RBFOX1: variants seen among roughly 807,000 people sequenced by gnomAD.
The protein encoded by RBFOX1 is RNA binding fox-1 homolog 1.
Under a neutral mutation model 57.7 loss-of-function variants are expected in RBFOX1, and 8 were observed. The ratio of observed to expected loss-of-function variants is 0.14; its 90% CI spans 0.08 to 0.25. The LOEUF is 0.25. Among genes scored for constraint, RBFOX1 ranks in the 10% least tolerant of loss-of-function variants. The pLI is 1.00. For synonymous variants in RBFOX1, 326 were observed against 222.4 expected (o/e 1.47, Z -4.15); for missense variants, 611 against 548.5 (o/e 1.11, Z -1.14).
chr16:5,473,330 C>T (rs1208060214), intron 2 of RBFOX1, among the ~76,000 whole-genome samples: 2 of 152,178 alleles, frequency 1.3e-5, no homozygotes, highest in Admixed American at 6.5e-5. Context: ...CACCTCATTA[C>T]TCCTGTTACA....
At chr16:7,171,776 A>C (rs1000069825) in intron 4 of RBFOX1, among the ~76,000 whole-genome samples, 6 of 152,208 alleles carry the variant, frequency 3.9e-5, no homozygotes, top group African/African-American at 1.4e-4. Flanking sequence ...ACTTCATCAA[A>C]GTTCCCAGGT....
intron 2 of RBFOX1, among the ~76,000 whole-genome samples, chr16:5,569,267 G>A (rs145697503): frequency 1.1e-4 from 17 of 152,044 alleles, no homozygotes; most frequent in South Asian, 4.2e-4. Flanking sequence ...GTAGATGTTG[G>A]AGGAGTCAGC....
chr16:7,369,653 G>C (rs1424873281), intron 4 of RBFOX1, among the ~76,000 whole-genome samples: 1 of 152,136 alleles, frequency 6.6e-6, no homozygotes, highest in Non-Finnish European at 1.5e-5. Flanking sequence ...ACAATTGTTT[G>C]AAGTGAGACT....
At chr16:5,586,711 C>G (rs2046840957) in intron 2 of RBFOX1, among the ~76,000 whole-genome samples, 1 of 152,150 alleles carries the variant, frequency 6.6e-6, no homozygotes, top group African/African-American at 2.4e-5. Flanking sequence ...ATGGCACAGG[C>G]TGGTCTTGAA....
intron 1 of RBFOX1, among the ~76,000 whole-genome samples, chr16:6,184,378 A>T (rs1426031450): frequency 6.6e-6 from 1 of 152,154 alleles, no homozygotes; most frequent in Non-Finnish European, 1.5e-5. Flanking sequence ...GGAATCCAGA[A>T]GGAGACATTA....
rs1314598196 is a variant in RBFOX1, at chr16:7,677,126, T to TACACACACACACACAC, written c.995+293_995+294insCACACACACACACACA. On this transcript the variant is annotated intron_variant, in intron 14 of 15. Coordinates refer to ENST00000550418, the MANE Select transcript of RBFOX1 (RefSeq NM_018723.4). ...TCTGTGACAACGCACCTTGCTCACA[T>TACACACACACACACAC]ACACATACACACACACACACACACA... Among the ~76,000 whole-genome samples the TACACACACACACACAC allele has an allele frequency of 5.8e-3, 296 of 51,216 alleles. 1 individual carries two copies. The highest frequency in any genetic ancestry group is 0.01 in the Admixed American group (42 of 4,200). The allele number at this position is 51,216 out of a possible 152,430, so 33.6% of individuals were successfully genotyped here. A position where few individuals can be genotyped will look rare whatever the true frequency, so the allele number is the denominator to read the frequency against.
At chr16:5,815,911 C>T (rs559069694) in intron 3 of RBFOX1, among the ~76,000 whole-genome samples, 31 of 152,076 alleles carry the variant, frequency 2.0e-4, no homozygotes, top group African/African-American at 4.3e-4. Context: ...TGAAATCCAC[C>T]GGGTGGTGTG....
At chr16:7,500,279 T>A (rs1012439519) in intron 4 of RBFOX1, among the ~76,000 whole-genome samples, 1 of 152,184 alleles carries the variant, frequency 6.6e-6, no homozygotes, top group African/African-American at 2.4e-5. Flanking sequence ...AAGATGGAAC[T>A]GTTTGGTTTC....
At chr16:6,183,486 T>TAG (rs2097081938) in intron 1 of RBFOX1, among the ~76,000 whole-genome samples, 1 of 140,864 alleles carries the variant, frequency 7.1e-6, no homozygotes, top group African/African-American at 2.6e-5. Context: ...TCTAAAAAAA[T>TAG]TAAATAAATA....
intron 1 of RBFOX1, among the ~76,000 whole-genome samples, chr16:6,232,700 C>T (rs534896936): frequency 1.3e-5 from 2 of 152,264 alleles, no homozygotes; most frequent in Admixed American, 6.5e-5. Context: ...CGTGCTCTGC[C>T]TTGTGCCTGC....
chr16:7,137,202 C>G (rs768784235), intron 4 of RBFOX1, among the ~76,000 whole-genome samples: 1 of 152,174 alleles, frequency 6.6e-6, no homozygotes, highest in African/African-American at 2.4e-5. Flanking sequence ...GCTAGCTGGA[C>G]TCTTCTGGTG....
At chr16:6,600,024 C>T (rs948009993) in intron 2 of RBFOX1, among the ~76,000 whole-genome samples, 3 of 152,174 alleles carry the variant, frequency 2.0e-5, no homozygotes, top group African/African-American at 4.8e-5. Flanking sequence ...CAGATAACTG[C>T]AAAGGGCATC....
chr16:5,942,763 G>A (rs191377238), intron 4 of RBFOX1, among the ~76,000 whole-genome samples: 7 of 152,282 alleles, frequency 4.6e-5, no homozygotes, highest in South Asian at 4.1e-4. Context: ...GGTTAGATCA[G>A]ATCTCTCTCA....
At chr16:6,824,630 A>G (rs1186441795) in intron 3 of RBFOX1, among the ~76,000 whole-genome samples, 1 of 152,224 alleles carries the variant, frequency 6.6e-6, no homozygotes, top group African/African-American at 2.4e-5. Flanking sequence ...CTCTGAAGAG[A>G]AAATCCATTC....
At chr16:5,570,371 G>A (rs1411878865) in intron 2 of RBFOX1, among the ~76,000 whole-genome samples, 4 of 152,134 alleles carry the variant, frequency 2.6e-5, no homozygotes, top group Non-Finnish European at 5.9e-5. Context: ...TTGTTGTGAG[G>A]TTTGAATAGG....
chr16:6,236,203 G>T (rs2097504103), intron 1 of RBFOX1, among the ~76,000 whole-genome samples: 1 of 152,134 alleles, frequency 6.6e-6, no homozygotes, highest in South Asian at 2.1e-4. Flanking sequence ...TGCCTTTGTT[G>T]TTGAAAGAGC....
chr16:7,334,129 T>A (rs1266852978), intron 4 of RBFOX1, among the ~76,000 whole-genome samples: 3 of 152,162 alleles, frequency 2.0e-5, no homozygotes, highest in Admixed American at 2.0e-4. Context: ...CCCCTACCTC[T>A]TCTGAACTTT....
chr16:6,269,971 G>A (rs878962342), intron 1 of RBFOX1, among the ~76,000 whole-genome samples: 5 of 152,260 alleles, frequency 3.3e-5, no homozygotes, highest in Admixed American at 2.6e-4. Flanking sequence ...CATAAAGGGA[G>A]TTAAGATTTC....
chr16:5,597,131 A>C (rs2047208051), intron 2 of RBFOX1, among the ~76,000 whole-genome samples: 1 of 152,186 alleles, frequency 6.6e-6, no homozygotes, highest in African/African-American at 2.4e-5. Context: ...TGTGGCTGGT[A>C]CAGGAAAGAG....
Sources: gnomAD v4.1 joint callset for allele counts (sites outside exome capture counted in the v4.1 genomes callset) on GRCh38, gnomAD v4.1.1 for gene constraint, MANE v1.5 for transcripts, NCBI Gene and HGNC (gene_info 2026-07-23, HGNC 2026-07-21) for gene names.